PIH1D2: variants seen among roughly 807,000 people sequenced by gnomAD.
PIH1D2 encodes PIH1 domain containing 2.
PIH1D2 carries 25 observed loss-of-function variants against 31.2 expected under a neutral mutation model. The ratio of observed to expected loss-of-function variants is 0.80; its 90% confidence interval spans 0.58 to 1.12. The LOEUF (loss-of-function observed/expected upper bound fraction) is 1.12. Ranked by LOEUF, PIH1D2 falls within the 50% of genes most tolerant of loss-of-function variation. PIH1D2 has a pLI of 0.00. For synonymous variants in PIH1D2, 116 were observed against 119.9 expected (o/e 0.97, Z 0.21); for missense variants, 310 against 356.6 (o/e 0.87, Z 1.05).
At chr11:112,067,685 A>AAAATATATATATAT, downstream of PIH1D2, 1 of 17,800 alleles carries the variant, frequency 5.6e-5, no homozygotes, top group African/African-American at 1.7e-4. Context: ...AAAAAAAAAA[A>AAAATATATATATAT]ATATATATAT....
chr11:112,054,109 G>T, the PIH1D2 span, among the ~76,000 whole-genome samples: 1 of 151,138 alleles, frequency 6.6e-6, no homozygotes, highest in African/African-American at 2.4e-5. Flanking sequence ...AAGCGTTCGA[G>T]ATCAGCCTGG....
At chr11:112,071,424 G>A in intron 3 of PIH1D2, 141 bp from the exon 4 acceptor site, 1 of 1,286,704 alleles carries the variant, frequency 7.8e-7, no homozygotes, top group Non-Finnish European at 1.1e-6. Context: ...TAGTGCTACA[G>A]CAATTATGAC....
At chr11:112,062,505 C>T (rs1864700300), downstream of PIH1D2, 5 of 1,612,452 alleles carry the variant, frequency 3.1e-6, no homozygotes, top group Non-Finnish European at 4.2e-6. Flanking sequence ...TTAGAAAGTA[C>T]CTTGAAAAAC....
downstream of PIH1D2, chr11:112,060,073 A>G (rs201994231): frequency 8.9e-5 from 143 of 1,608,490 alleles, no homozygotes; most frequent in African/African-American, 1.8e-3. Flanking sequence ...CAGGTAGGGT[A>G]TTAATTATTG....
chr11:112,071,699 G>C lies in PIH1D2; in HGVS notation c.237C>G (p.Pro79=). The change falls in exon 3 of 6, where the codon CCC becomes CCG. Residue 79 remains proline (P), a synonymous_variant. Coordinates refer to ENST00000280350, the MANE Select transcript of PIH1D2 (RefSeq NM_138789.4). ...NLCQWTRIPA[P]QSTTHPVPLT... is the part of the protein sequence containing the mutation. Reference sequence around the variant, plus strand: ...GAGGTACTGGATGAGTGGTTGATTGGGGAGCTGGGATCCTTGTCCACTGAC... The same window carrying C: ...GAGGTACTGGATGAGTGGTTGATTGCGGAGCTGGGATCCTTGTCCACTGAC... 2 of 1,613,494 alleles carry C rather than the reference G, an allele frequency of 1.2e-6. No homozygotes were observed. Among genetic ancestry groups the C allele is most frequent in the Non-Finnish European group, 1.7e-6 (2 of 1,179,434 alleles).
At chr11:112,064,491 A>G (rs1018591885), downstream of PIH1D2, 6 of 325,840 alleles carry the variant, frequency 1.8e-5, no homozygotes, top group African/African-American at 1.3e-4. Context: ...ATACAGATAA[A>G]TTTTGAGTTT....
the PIH1D2 span, among the ~76,000 whole-genome samples, chr11:112,056,553 C>T: frequency 6.6e-6 from 1 of 152,102 alleles, no homozygotes; most frequent in African/African-American, 2.4e-5. Flanking sequence ...AGTGTTTAAT[C>T]GTATCAATAT....
chr11:112,072,549 C>CAAAAA (rs148760956), intron 2 of PIH1D2, among the ~76,000 whole-genome samples: 10 of 36,356 alleles, frequency 2.8e-4, no homozygotes, highest in African/African-American at 7.1e-4. Flanking sequence ...GACCCTATCT[C>CAAAAA]AAAAAAAAAA....
At chr11:112,064,225 GA>G (rs782190453), downstream of PIH1D2, 29 of 1,550,944 alleles carry the variant, frequency 1.9e-5, no homozygotes, top group Admixed American at 1.2e-4. Flanking sequence ...TTGTTCCCTT[GA>G]AAAAAAATAA....
At chr11:112,061,205 G>A (rs1464840379), downstream of PIH1D2, 3 of 1,613,358 alleles carry the variant, frequency 1.9e-6, no homozygotes, top group East Asian at 6.7e-5. Context: ...GAAGTCGTAA[G>A]CTAATTTTTA....
chr11:112,060,158 ATTT>A (rs782188808), downstream of PIH1D2: 7,505 of 556,720 alleles, frequency 0.013, no homozygotes, highest in East Asian at 0.019. Flanking sequence ...CTGTCACGTA[ATTT>A]TTTTTTTTTT....
At chr11:112,061,427 G>A (rs1864616989), downstream of PIH1D2, 1 of 437,608 alleles carries the variant, frequency 2.3e-6, no homozygotes, top group Non-Finnish European at 4.1e-6. Flanking sequence ...GTAGTGCCCG[G>A]TGTGCAGCAA....
At chr11:112,058,307 C>T (rs587725406), downstream of PIH1D2, among the ~76,000 whole-genome samples, 2 of 152,188 alleles carry the variant, frequency 1.3e-5, no homozygotes, top group African/African-American at 4.8e-5. Context: ...ACCTTGGCTA[C>T]AGTTCTGTGG....
downstream of PIH1D2, chr11:112,060,158 ATTTTTT>A (rs782188808): frequency 2.0e-4 from 111 of 568,366 alleles, no homozygotes; most frequent in Middle Eastern, 5.4e-4. Flanking sequence ...CTGTCACGTA[ATTTTTT>A]TTTTTTTTTT....
chr11:112,062,373 C>A, downstream of PIH1D2: 1 of 1,611,204 alleles, frequency 6.2e-7, no homozygotes, highest in Non-Finnish European at 8.5e-7. Context: ...TATTTTCTTT[C>A]AGAATATCTA....
chr11:112,058,986 A>T (rs1022333414), downstream of PIH1D2, among the ~76,000 whole-genome samples: 17 of 152,006 alleles, frequency 1.1e-4, no homozygotes, highest in Admixed American at 7.9e-4. Context: ...TAAGATCCAG[A>T]TGCATAGGGA....
rs781938962 is a variant in PIH1D2, at chr11:112,071,675, A to G, written c.261T>C (p.Pro87=). 1 of 1,613,626 alleles carries G rather than the reference A, an allele frequency of 6.2e-7. No homozygotes were observed. Among genetic ancestry groups the G allele is most frequent in the East Asian group, 2.2e-5 (1 of 44,888 alleles). Residue 87 remains proline (P), a synonymous_variant, in exon 3 of 6, where the codon CCT becomes CCC. Transcript: ENST00000280350. ...PAPQSTTHPV[P]LTVGKPEDTT... Reference sequence around the variant, plus strand: ...TATCTTCTGGTTTGCCAACAGTTAGAGGTACTGGATGAGTGGTTGATTGGG... The same window carrying G: ...TATCTTCTGGTTTGCCAACAGTTAGGGGTACTGGATGAGTGGTTGATTGGG...
At chr11:112,073,738 C>G (rs1865225435) in intron 1 of PIH1D2, among the ~76,000 whole-genome samples, 1 of 152,148 alleles carries the variant, frequency 6.6e-6, no homozygotes, top group Non-Finnish European at 1.5e-5. Flanking sequence ...ATTAAGTAAG[C>G]TAATAGAGAG....
chr11:112,067,324 G>A (rs518795), downstream of PIH1D2, among the ~76,000 whole-genome samples: 9,265 of 151,800 alleles, frequency 0.061, 933 homozygotes, highest in African/African-American at 0.21. Flanking sequence ...CATAGCAATA[G>A]TTTTTAATTC....
Sources: allele counts gnomAD v4.1 joint callset (sites outside exome capture counted in the v4.1 genomes callset), GRCh38; gene constraint gnomAD v4.1.1; transcripts MANE v1.5; gene names NCBI Gene and HGNC (gene_info 2026-07-23, HGNC 2026-07-21).